The following LPAR1 variants were observed in gnomAD, a reference collection of about 807,000 sequenced individuals.
The protein encoded by LPAR1 is lysophosphatidic acid receptor 1, also known as LPA receptor 1.
A neutral mutation model predicts 23.8 loss-of-function variants in LPAR1; 5 were observed. The observed-to-expected ratio is 0.21, with a 90% confidence interval of 0.11 to 0.44. LPAR1 has a LOEUF of 0.44. LPAR1 is among the 20% of genes least tolerant of loss of function. The pLI is 0.99. For missense variants in LPAR1, 311 were observed against 482.8 expected, an observed-to-expected ratio of 0.64 and a Z score of 3.33; for synonymous variants, 160 against 164.7, an observed-to-expected ratio of 0.97 and a Z score of 0.22.
chr9:110,957,973 C>T lies in LPAR1; in HGVS notation c.45+14100G>A, dbSNP rs77343989. The stretch of plus-strand genomic sequence containing the variant: ...AAAAAAGAAATAAAGAAGGCAATCC[C>T]CTTTCCAAAGCTACAAAAATAAAAT... On this transcript the variant is annotated intron_variant, in intron 4 of 5. Coordinates refer to ENST00000683809, the MANE Select transcript of LPAR1 (RefSeq NM_001351411.2). Among the ~76,000 whole-genome samples the T allele has an allele frequency of 8.5e-3, 1,287 of 152,160 alleles. 22 individuals carry two copies. The highest frequency in any genetic ancestry group is 0.029 in the African/African-American group (1,214 of 41,518).
chr9:110,921,833 G>C (rs2093649981), intron 5 of LPAR1, among the ~76,000 whole-genome samples: 1 of 152,204 alleles, frequency 6.6e-6, no homozygotes, highest in South Asian at 2.1e-4. Flanking sequence ...CCACATGAAA[G>C]GCATGCCATT....
rs1181225829 is a variant in LPAR1, at chr9:111,038,073, C to A, written c.-262+94G>T. On this transcript the variant is annotated intron_variant, in intron 1 of 5. Transcript: ENST00000683809. The surrounding 1 kb of genome is among the most constrained non-coding windows in gnomAD (Gnocchi z 4.4). ...CCCGTCCGCGGCGGGACAGTGTGAGCCCAGCGCGCCGTGTGGCGGGCCGAG... is the reference window on the plus strand; with the variant it reads ...CCCGTCCGCGGCGGGACAGTGTGAGACCAGCGCGCCGTGTGGCGGGCCGAG... 1 of 151,772 alleles carries A rather than the reference C, an allele frequency of 6.6e-6. No individual in the cohort carries two copies. Among genetic ancestry groups the A allele is most frequent in the Admixed American group, 6.6e-5 (1 of 15,244 alleles). 9.4% of individuals were successfully genotyped at this position (151,772 alleles called of 1,614,324 possible).
chr9:111,002,353 G>A (rs1397936611), intron 2 of LPAR1, among the ~76,000 whole-genome samples: 8 of 151,978 alleles, frequency 5.3e-5, no homozygotes, highest in African/African-American at 1.4e-4. Context: ...ATTTCCCTTC[G>A]GAAACCAATT....
chr9:111,023,460 G>A (rs901053294), intron 2 of LPAR1, among the ~76,000 whole-genome samples: 2 of 151,732 alleles, frequency 1.3e-5, no homozygotes, highest in Non-Finnish European at 2.9e-5. Context: ...CCATTTAATC[G>A]CTTTTGCTCT....
At chr9:110,892,279 G>A (rs1350170173) in intron 5 of LPAR1, among the ~76,000 whole-genome samples, 1 of 152,206 alleles carries the variant, frequency 6.6e-6, no homozygotes, top group East Asian at 1.9e-4. Context: ...AAGAGAGAAT[G>A]ACAGAGAGAG....
chr9:110,951,580 G>A (rs371449022), intron 4 of LPAR1, among the ~76,000 whole-genome samples: 1 of 152,206 alleles, frequency 6.6e-6, no homozygotes, highest in African/African-American at 2.4e-5. Context: ...ACAAACTGCA[G>A]TGAGATCCAA....
chr9:110,987,107 C>T (rs1021472823), intron 2 of LPAR1, among the ~76,000 whole-genome samples: 1 of 151,968 alleles, frequency 6.6e-6, no homozygotes, highest in African/African-American at 2.4e-5. Flanking sequence ...TGTAACTCCA[C>T]CACTAGGAAT....
intron 4 of LPAR1, among the ~76,000 whole-genome samples, chr9:110,958,131 G>GAACGATCA: frequency 6.6e-6 from 1 of 152,162 alleles, no homozygotes; most frequent in Non-Finnish European, 1.5e-5. Flanking sequence ...ACGAATTAAC[G>GAACGATCA]TTGTTAAAAT....
At chr9:111,023,050 C>CAA (rs1202582519) in intron 2 of LPAR1, among the ~76,000 whole-genome samples, 60 of 104,716 alleles carry the variant, frequency 5.7e-4, no homozygotes, top group African/African-American at 2.0e-3. Flanking sequence ...GACTCCGTCT[C>CAA]AACAAAAAAA....
chr9:110,996,611 C>T (rs898606822), intron 2 of LPAR1, among the ~76,000 whole-genome samples: 6 of 151,964 alleles, frequency 3.9e-5, no homozygotes, highest in Non-Finnish European at 7.4e-5. Context: ...GAGGTTACAG[C>T]GACTGTTGTT....
chr9:110,975,479 C>T (rs2096535658), intron 2 of LPAR1, among the ~76,000 whole-genome samples: 1 of 152,102 alleles, frequency 6.6e-6, no homozygotes, highest in Non-Finnish European at 1.5e-5. Flanking sequence ...ATGCAACATA[C>T]CCACAGTCAC....
At chr9:110,906,478 T>C (rs1196592621) in intron 5 of LPAR1, among the ~76,000 whole-genome samples, 1 of 152,208 alleles carries the variant, frequency 6.6e-6, no homozygotes, top group African/African-American at 2.4e-5. Flanking sequence ...ATGCTAGAAA[T>C]GCAAGCTCAT....
In LPAR1 at chr9:110,941,996, G is replaced by A; in HGVS notation, c.218C>T (p.Ala73Val). The A allele has an allele frequency of 6.2e-7, 1 of 1,614,150 alleles. No homozygotes were observed. Among genetic ancestry groups the A allele is most frequent in the Non-Finnish European group, 8.5e-7 (1 of 1,179,998 alleles). The change falls in exon 5 of 6, where the codon GCA (alanine) becomes GTA (valine). Residue 73 changes from alanine (A) to valine (V), a missense_variant. Ala to Val is a moderately conservative substitution (Grantham distance 64, BLOSUM62 0). Coordinates refer to ENST00000683809, the MANE Select transcript of LPAR1 (RefSeq NM_001351411.2). This position sits in a 1 kb window ranked among gnomAD's most constrained non-coding sequence, Gnocchi z 6.1. ...IMLANLLVMVAIYVNRRFHFP... is the reference protein window; with the variant it reads ...IMLANLLVMVVIYVNRRFHFP... ...ATGGAAGCGGCGGTTGACATAGATTGCCACCATGACCAATAGGTTGGCCAA... is the reference window on the plus strand; with the variant it reads ...ATGGAAGCGGCGGTTGACATAGATTACCACCATGACCAATAGGTTGGCCAA...
At chr9:111,017,837 T>A (rs1010723251) in intron 2 of LPAR1, among the ~76,000 whole-genome samples, 1 of 151,982 alleles carries the variant, frequency 6.6e-6, no homozygotes, top group Non-Finnish European at 1.5e-5. Flanking sequence ...CTGGCCAACA[T>A]GGTGAAACCT....
chr9:110,895,553 T>C (rs142169712), intron 5 of LPAR1, among the ~76,000 whole-genome samples: 246 of 152,184 alleles, frequency 1.6e-3, no homozygotes, highest in African/African-American at 5.2e-3. Context: ...TTGAGGAAAA[T>C]AGATAAGCCA....
At chr9:110,879,040 T>C (rs1220277183) in intron 5 of LPAR1, among the ~76,000 whole-genome samples, 1 of 151,998 alleles carries the variant, frequency 6.6e-6, no homozygotes, top group Non-Finnish European at 1.5e-5. Flanking sequence ...CTTTGAGTAG[T>C]TTGTATATTT....
At chr9:111,031,665 C>T (rs900398995) in intron 2 of LPAR1, among the ~76,000 whole-genome samples, 3 of 152,116 alleles carry the variant, frequency 2.0e-5, no homozygotes, top group African/African-American at 7.2e-5. Context: ...AAACTATATA[C>T]TGAGCAAAGA....
At chr9:111,015,564 G>A (rs955195734) in intron 2 of LPAR1, among the ~76,000 whole-genome samples, 4 of 152,102 alleles carry the variant, frequency 2.6e-5, no homozygotes, top group Non-Finnish European at 5.9e-5. Context: ...ACAGTGGGGT[G>A]GGAGATAGGG....
At chr9:110,977,359 T>A (rs1302650600) in intron 2 of LPAR1, among the ~76,000 whole-genome samples, 1 of 152,060 alleles carries the variant, frequency 6.6e-6, no homozygotes, top group Non-Finnish European at 1.5e-5. Flanking sequence ...AGAAAACACA[T>A]GGGAAAAAGA....
Sources: allele counts gnomAD v4.1 joint callset (sites outside exome capture counted in the v4.1 genomes callset), GRCh38; gene constraint gnomAD v4.1.1; non-coding constraint Gnocchi (gnomAD v3.1); transcripts MANE v1.5; gene names NCBI Gene and HGNC (gene_info 2026-07-23, HGNC 2026-07-21).